The following STK3 variants were observed in gnomAD, a reference collection of about 807,000 sequenced individuals.
STK3 encodes the protein serine/threonine-protein kinase 3.
Under a neutral mutation model 58.0 loss-of-function variants are expected in STK3, and 41 were observed. The observed-to-expected ratio is 0.71, with a 90% CI of 0.55 to 0.92. The LOEUF (loss-of-function observed/expected upper bound fraction) is 0.92. Among genes scored for constraint, STK3 ranks in the 40% least tolerant of loss-of-function variants. STK3 has a pLI of 0.00. For missense variants in STK3, 479 were observed against 602.7 expected (o/e 0.79, Z 2.15); for synonymous variants, 170 against 191.0 (o/e 0.89, Z 0.91).
At chr8:98,369,381 A>G (rs149330145), downstream of STK3, among the ~76,000 whole-genome samples, 383 of 152,320 alleles carry the variant, frequency 2.5e-3, no homozygotes, top group African/African-American at 8.8e-3. Flanking sequence ...ATTAAGATTC[A>G]GCAGTCATTT....
rs146191531 is a variant in STK3, at chr8:98,864,257, C to T, written c.110+19390G>A. The stretch of plus-strand genomic sequence containing the variant: ...TCAGCTGGATTTTATTCCATTTTGT[C>T]ATCAATCTTCCTCCTTCCTACTGTC... On this transcript the variant is annotated intron_variant, in intron 3 of 12. Transcript: ENST00000523601. 2.7e-3 allele frequency among the ~76,000 whole-genome samples: 384 copies of T among 144,860 alleles called. 3 individuals carry two copies. The highest frequency in any genetic ancestry group is 8.6e-3 in the African/African-American group (336 of 39,146).
chr8:98,718,748 A>G (rs772483604), intron 4 of STK3, among the ~76,000 whole-genome samples: 1 of 151,990 alleles, frequency 6.6e-6, no homozygotes, highest in Non-Finnish European at 1.5e-5. Flanking sequence ...TGTTTAATAT[A>G]GTAAGTATTA....
chr8:98,714,478 T>C (rs923555568), intron 4 of STK3, among the ~76,000 whole-genome samples: 4 of 152,190 alleles, frequency 2.6e-5, no homozygotes, highest in Non-Finnish European at 5.9e-5. Context: ...AGCATTTTTA[T>C]ACACCAATAA....
chr8:98,422,042 AC>A (rs1291835359), intron 3 of STK3, among the ~76,000 whole-genome samples: 2 of 151,692 alleles, frequency 1.3e-5, no homozygotes, highest in Non-Finnish European at 2.9e-5. Context: ...ACACAACCAC[AC>A]CCTTCTCTGC....
chr8:98,580,597 T>C (rs1653942713), intron 7 of STK3, among the ~76,000 whole-genome samples: 2 of 152,168 alleles, frequency 1.3e-5, no homozygotes, highest in Admixed American at 6.5e-5. Context: ...GTGACCTGAC[T>C]GAGTGAGTGA....
intron 6 of STK3, among the ~76,000 whole-genome samples, chr8:98,653,479 A>G (rs942345893): frequency 2.0e-5 from 3 of 152,102 alleles, no homozygotes; most frequent in African/African-American, 7.2e-5. Context: ...AAATAACTAA[A>G]ATCAGAGCAG....
At chr8:98,694,767 T>G (rs1024631562) in intron 6 of STK3, among the ~76,000 whole-genome samples, 1 of 152,248 alleles carries the variant, frequency 6.6e-6, no homozygotes, top group Non-Finnish European at 1.5e-5. Flanking sequence ...ACATTTGGGT[T>G]GGTTCCAAGT....
At chr8:98,424,520 CCCCAGGGG>C in intron 3 of STK3, among the ~76,000 whole-genome samples, 1 of 152,184 alleles carries the variant, frequency 6.6e-6, no homozygotes, top group Middle Eastern at 3.4e-3. Context: ...AGGGTGAGAG[CCCCAGGGG>C]CCCAGGCAGA....
chr8:98,543,685 A>T (rs992457647), intron 9 of STK3, among the ~76,000 whole-genome samples: 5 of 152,126 alleles, frequency 3.3e-5, no homozygotes, highest in Non-Finnish European at 5.9e-5. Context: ...ATCTACTGAA[A>T]CTGAGATGGG....
At chr8:98,647,165 C>A (rs1417456707) in intron 6 of STK3, among the ~76,000 whole-genome samples, 1 of 152,082 alleles carries the variant, frequency 6.6e-6, no homozygotes, top group Non-Finnish European at 1.5e-5. Context: ...TTGACCATTC[C>A]ATCTGCCCAA....
intron 3 of STK3, among the ~76,000 whole-genome samples, chr8:98,854,496 T>TA (rs1836596588): frequency 6.6e-6 from 1 of 152,024 alleles, no homozygotes; most frequent in Admixed American, 6.6e-5. Flanking sequence ...AGAAATCCAC[T>TA]AAAAAATTAC....
At chr8:98,795,129 T>TATATATACAC (rs1288218080) in intron 1 of STK3, among the ~76,000 whole-genome samples, 13 of 95,940 alleles carry the variant, frequency 1.4e-4, no homozygotes, top group African/African-American at 5.0e-4. Flanking sequence ...TATATATATA[T>TATATATACAC]ACATACTAGT....
At chr8:98,858,339 G>T (rs1404110449) in intron 3 of STK3, among the ~76,000 whole-genome samples, 2 of 130,880 alleles carry the variant, frequency 1.5e-5, no homozygotes, top group African/African-American at 2.8e-5. Flanking sequence ...GAGAGAGAGA[G>T]AGAGAGAGAG....
chr8:98,611,399 A>G (rs2130208113), intron 6 of STK3, among the ~76,000 whole-genome samples: 1 of 152,228 alleles, frequency 6.6e-6, no homozygotes, highest in South Asian at 2.1e-4. Context: ...AGAAAAAAAC[A>G]ATAGATCTCA....
intron 8 of STK3, among the ~76,000 whole-genome samples, chr8:98,577,877 A>C (rs1179614551): frequency 6.6e-6 from 1 of 152,166 alleles, no homozygotes; most frequent in Non-Finnish European, 1.5e-5. Context: ...AAGAGTTCTA[A>C]GAAAAAGAGT....
intron 3 of STK3, among the ~76,000 whole-genome samples, chr8:98,873,144 CG>C (rs1837441755): frequency 6.6e-6 from 1 of 151,992 alleles, no homozygotes; most frequent in Non-Finnish European, 1.5e-5. Flanking sequence ...TGTAGTTGAG[CG>C]GTTTTGAGTG....
intron 10 of STK3, among the ~76,000 whole-genome samples, chr8:98,520,788 G>C (rs895347081): frequency 2.6e-5 from 4 of 151,888 alleles, no homozygotes; most frequent in African/African-American, 9.7e-5. Flanking sequence ...TTAACATTCT[G>C]TAACTAATAG....
At chr8:98,640,923 A>G (rs1049807157) in intron 6 of STK3, among the ~76,000 whole-genome samples, 2 of 151,086 alleles carry the variant, frequency 1.3e-5, no homozygotes, top group East Asian at 3.9e-4. Context: ...TAATATGTTT[A>G]TACTACTATA....
chr8:98,572,339 T>C (rs1003740940), intron 8 of STK3, among the ~76,000 whole-genome samples: 5 of 152,188 alleles, frequency 3.3e-5, no homozygotes, highest in African/African-American at 1.2e-4. Context: ...AAACTTTGTG[T>C]TCATTTAGTC....
Sources: gnomAD v4.1 joint callset for allele counts (sites outside exome capture counted in the v4.1 genomes callset) on GRCh38, gnomAD v4.1.1 for gene constraint, MANE v1.5 for transcripts, NCBI Gene and HGNC (gene_info 2026-07-23, HGNC 2026-07-21) for gene names.